CDC42SE2: variants seen among roughly 807,000 people sequenced by gnomAD.
CDC42SE2 encodes CDC42 small effector 2.
In CDC42SE2, 3 loss-of-function variants were observed where a neutral mutation model predicts 11.5. That is an observed-to-expected ratio of 0.26 (90% confidence interval 0.12 to 0.67). CDC42SE2 has a LOEUF of 0.67. CDC42SE2 is among the 30% of genes least tolerant of loss of function. CDC42SE2 has a pLI of 0.80. For missense variants in CDC42SE2, 82 were observed against 106.8 expected (o/e 0.77, Z 1.02); for synonymous variants, 33 against 34.8 (o/e 0.95, Z 0.18).
the CDC42SE2 span, among the ~76,000 whole-genome samples, chr5:131,227,994 C>T: frequency 4.6e-5 from 7 of 152,214 alleles, no homozygotes; most frequent in Non-Finnish European, 7.3e-5. Context: ...TAGAGACCAG[C>T]GTGGCCCTGT....
chr5:131,293,113 A>G (rs1208633721), intron 1 of CDC42SE2, among the ~76,000 whole-genome samples: 1 of 151,964 alleles, frequency 6.6e-6, no homozygotes, highest in Non-Finnish European at 1.5e-5. Context: ...TCAAATTCAT[A>G]TGTTGAAATT....
intron 1 of CDC42SE2, among the ~76,000 whole-genome samples, chr5:131,252,658 AAAC>A (rs772977474): frequency 1.8e-4 from 28 of 152,280 alleles, no homozygotes; most frequent in Non-Finnish European, 3.4e-4. Flanking sequence ...TTCGTCTCAA[AAAC>A]AACAACAACA....
intron 1 of CDC42SE2, among the ~76,000 whole-genome samples, chr5:131,269,638 C>T (rs189509826): frequency 5.6e-4 from 86 of 152,244 alleles, no homozygotes; most frequent in African/African-American, 1.8e-3. Context: ...GTGGCACATG[C>T]CTGTAATCCC....
At chr5:131,387,009 A>G in intron 4 of CDC42SE2, among the ~76,000 whole-genome samples, 1 of 152,356 alleles carries the variant, frequency 6.6e-6, no homozygotes, top group South Asian at 2.1e-4. Flanking sequence ...AATCCGTAGG[A>G]AAAGTACTTT....
intron 2 of CDC42SE2, among the ~76,000 whole-genome samples, chr5:131,337,392 T>A (rs1758598232): frequency 6.6e-6 from 1 of 152,224 alleles, no homozygotes; most frequent in South Asian, 2.1e-4. Flanking sequence ...GGGGGGTGCC[T>A]CCCAGTTAGG....
At chr5:131,275,806 A>T (rs1757088817) in intron 1 of CDC42SE2, among the ~76,000 whole-genome samples, 1 of 150,496 alleles carries the variant, frequency 6.6e-6, no homozygotes, top group Non-Finnish European at 1.5e-5. Context: ...TTAGGGAGGG[A>T]TTTTTTTTAG....
intron 1 of CDC42SE2, among the ~76,000 whole-genome samples, chr5:131,278,219 T>C (rs1270001560): frequency 2.6e-5 from 4 of 152,146 alleles, no homozygotes; most frequent in Non-Finnish European, 5.9e-5. Context: ...TGATCCACAT[T>C]TGGGAGATCC....
chr5:131,377,093 T>C (rs1055426342), intron 3 of CDC42SE2, among the ~76,000 whole-genome samples: 2 of 152,146 alleles, frequency 1.3e-5, no homozygotes, highest in African/African-American at 2.4e-5. Flanking sequence ...GCTAAACTAA[T>C]TTACATTCCC....
chr5:131,226,951 A>G, the CDC42SE2 span, among the ~76,000 whole-genome samples: 3 of 152,188 alleles, frequency 2.0e-5, no homozygotes, highest in African/African-American at 7.2e-5. Context: ...TTACTAAGTA[A>G]GACTATTTTA....
chr5:131,253,782 A>T, intron 1 of CDC42SE2, among the ~76,000 whole-genome samples: 1 of 152,290 alleles, frequency 6.6e-6, no homozygotes, highest in South Asian at 2.1e-4. Context: ...AAAAAAAATT[A>T]AAAAAAGAAC....
intron 2 of CDC42SE2, among the ~76,000 whole-genome samples, chr5:131,350,559 G>A (rs536850967): frequency 9.2e-5 from 14 of 151,674 alleles, no homozygotes; most frequent in Non-Finnish European, 1.9e-4. Context: ...TTAACGCCCT[G>A]ATATGAACGG....
chr5:131,322,003 A>T (rs973759986), intron 2 of CDC42SE2, among the ~76,000 whole-genome samples: 1 of 152,208 alleles, frequency 6.6e-6, no homozygotes, highest in Non-Finnish European at 1.5e-5. Flanking sequence ...GGCACCCGCC[A>T]CCACGCCTGG....
At chr5:131,264,725 A>G (rs892252842) in intron 1 of CDC42SE2, among the ~76,000 whole-genome samples, 2 of 151,936 alleles carry the variant, frequency 1.3e-5, no homozygotes, top group Non-Finnish European at 2.9e-5. Context: ...GAGCTGAGCT[A>G]CTCTTACAGG....
intron 2 of CDC42SE2, among the ~76,000 whole-genome samples, chr5:131,345,208 A>G (rs540371606): frequency 8.5e-5 from 13 of 152,130 alleles, no homozygotes; most frequent in African/African-American, 2.4e-4. Context: ...AACTTCTCCG[A>G]GCTAAAGGAG....
At chr5:131,214,859 C>T in the CDC42SE2 span, among the ~76,000 whole-genome samples, 1 of 152,236 alleles carries the variant, frequency 6.6e-6, no homozygotes, top group African/African-American at 2.4e-5. Context: ...CTGCAGCCAA[C>T]ACTCTCAGGA....
At chr5:131,360,230 C>T (rs981562756) in intron 3 of CDC42SE2, among the ~76,000 whole-genome samples, 2 of 152,136 alleles carry the variant, frequency 1.3e-5, no homozygotes, top group Admixed American at 1.3e-4. Context: ...AAGTGATTCT[C>T]CTGCCTCAGC....
upstream of CDC42SE2, among the ~76,000 whole-genome samples, chr5:131,240,975 T>G (rs1460941707): frequency 6.6e-6 from 1 of 151,974 alleles, no homozygotes; most frequent in Non-Finnish European, 1.5e-5. Context: ...TGTTTTTGTT[T>G]TTGTTTTTGT....
rs571783560 is a variant in CDC42SE2 at position 131,246,193 on chromosome 5, C to T, written n.107+594C>T. Among the ~76,000 whole-genome samples, 93 of 152,294 alleles carry T rather than the reference C, an allele frequency of 6.1e-4. 1 individual carries two copies. Among genetic ancestry groups the T allele is most frequent in the East Asian group, 2.3e-3 (12 of 5,192 alleles). ...AAATCAGGCTGGGTGTGGTGGCTCA[C>T]GCCTGCAATCCCAGCGCTTTGGGAG... On this transcript the variant is annotated intron_variant and non_coding_transcript_variant, in intron 1 of 3. Transcript: ENST00000502840.
At chr5:131,346,223 T>A (rs1481343085) in intron 2 of CDC42SE2, among the ~76,000 whole-genome samples, 1 of 151,768 alleles carries the variant, frequency 6.6e-6, no homozygotes, top group African/African-American at 2.4e-5. Flanking sequence ...GGATAAAGAG[T>A]CAAGACCCGT....
Sources: gnomAD v4.1 joint callset for allele counts (sites outside exome capture counted in the v4.1 genomes callset) on GRCh38, gnomAD v4.1.1 for gene constraint, MANE v1.5 for transcripts, NCBI Gene and HGNC (gene_info 2026-07-23, HGNC 2026-07-21) for gene names.